ASTN2: variants seen among roughly 807,000 people sequenced by gnomAD.
The protein encoded by ASTN2 is astrotactin-2.
A neutral mutation model predicts 139.8 loss-of-function variants in ASTN2; 54 were observed. That is an observed-to-expected ratio of 0.39 (90% CI 0.31 to 0.48). ASTN2 has a LOEUF of 0.48. Among genes scored for constraint, ASTN2 ranks in the 20% least tolerant of loss-of-function variants. The pLI is 0.95. For synonymous variants in ASTN2, 756 were observed against 719.5 expected (o/e 1.05, Z -0.81); for missense variants, 1,565 against 1,725.1 (o/e 0.91, Z 1.64).
intron 4 of ASTN2, among the ~76,000 whole-genome samples, chr9:117,130,202 A>G (rs1324090690): frequency 6.6e-6 from 1 of 152,158 alleles, no homozygotes; most frequent in Non-Finnish European, 1.5e-5. Context: ...TTGACTACTC[A>G]GGAGGCTGCA....
At chr9:116,752,036 C>A (rs1035325691) in intron 13 of ASTN2, among the ~76,000 whole-genome samples, 1 of 152,014 alleles carries the variant, frequency 6.6e-6, no homozygotes, top group Non-Finnish European at 1.5e-5. Flanking sequence ...CCAGAATAGT[C>A]AAGACAATAT....
At chr9:117,345,316 A>G (rs1397154244) in intron 1 of ASTN2, among the ~76,000 whole-genome samples, 2 of 152,198 alleles carry the variant, frequency 1.3e-5, no homozygotes, top group African/African-American at 4.8e-5. Context: ...AAGAGTTAAA[A>G]ATCCCTGACC....
At chr9:116,916,199 T>C (rs1834442199) in intron 10 of ASTN2, among the ~76,000 whole-genome samples, 1 of 152,202 alleles carries the variant, frequency 6.6e-6, no homozygotes, top group Non-Finnish European at 1.5e-5. Context: ...CATGTTGTTG[T>C]CTGTCCCTGA....
In ASTN2 at chr9:116,699,569, T is replaced by C. The variant is rs1442201890; in HGVS notation, c.2806+26202A>G. 1.9e-6 allele frequency: 3 copies of C among 1,614,084 alleles called. No individual in the cohort carries two copies. Among genetic ancestry groups the C allele is most frequent in the Non-Finnish European group, 2.5e-6 (3 of 1,180,026 alleles). On this transcript the variant is annotated intron_variant, in intron 16 of 22. Transcript: ENST00000313400. This position sits in a 1 kb window ranked among gnomAD's most constrained non-coding sequence, Gnocchi z 4.2. ...ATTTTCCTAAGGGTGGGGGCTATAG[T>C]GTCCTTATTCGAGAGGGACTTACCT... is the stretch of plus-strand genomic sequence containing the variant.
chr9:117,363,439 G>C (rs940269904), intron 1 of ASTN2, among the ~76,000 whole-genome samples: 1 of 152,154 alleles, frequency 6.6e-6, no homozygotes, highest in African/African-American at 2.4e-5. Flanking sequence ...AATTGTTCAA[G>C]GTAACACAGC....
intron 19 of ASTN2, among the ~76,000 whole-genome samples, chr9:116,562,733 TAAAAAAAAAAAA>T (rs35878476): frequency 1.6e-5 from 1 of 64,466 alleles, no homozygotes; most frequent in Non-Finnish European, 2.8e-5. Context: ...ACTGCCTCAT[TAAAAAAAAAAAA>T]AAAAAAAAAA....
At chr9:117,311,956 A>G (rs1191552040) in intron 1 of ASTN2, among the ~76,000 whole-genome samples, 3 of 152,174 alleles carry the variant, frequency 2.0e-5, no homozygotes, top group Non-Finnish European at 4.4e-5. Flanking sequence ...TAGCATGGTT[A>G]GAGGAAGCTC....
chr9:117,280,230 G>A (rs535027696), intron 2 of ASTN2, among the ~76,000 whole-genome samples: 21 of 152,234 alleles, frequency 1.4e-4, no homozygotes, highest in African/African-American at 4.8e-4. Context: ...CCTTATCAGT[G>A]CATTACTTCA....
chr9:117,295,090 G>A (rs536297512), intron 1 of ASTN2, among the ~76,000 whole-genome samples: 2 of 152,260 alleles, frequency 1.3e-5, no homozygotes, highest in East Asian at 1.9e-4. Context: ...GAGAGGCCGA[G>A]GCAGGCGGAT....
chr9:116,708,590 G>T (rs1828057132), intron 16 of ASTN2, among the ~76,000 whole-genome samples: 1 of 152,140 alleles, frequency 6.6e-6, no homozygotes, highest in East Asian at 1.9e-4. Flanking sequence ...CACTCACTGA[G>T]GACACATATA....
At chr9:116,632,076 T>C in intron 17 of ASTN2, among the ~76,000 whole-genome samples, 1 of 145,920 alleles carries the variant, frequency 6.9e-6, no homozygotes, top group African/African-American at 2.5e-5. Flanking sequence ...ATTGTGCCAC[T>C]GCCCTCCACA....
At chr9:116,919,028 C>A (rs1186612561) in intron 10 of ASTN2, among the ~76,000 whole-genome samples, 1 of 151,406 alleles carries the variant, frequency 6.6e-6, no homozygotes, top group Non-Finnish European at 1.5e-5. Context: ...TTTTAAACTT[C>A]CCTGAGCCTC....
chr9:117,332,241 C>T (rs1828733331), intron 1 of ASTN2, among the ~76,000 whole-genome samples: 1 of 152,106 alleles, frequency 6.6e-6, no homozygotes, highest in East Asian at 1.9e-4. Context: ...TGTGTTGCCA[C>T]CCTTTATAGC....
At chr9:116,656,415 C>T (rs1858213256) in intron 16 of ASTN2, among the ~76,000 whole-genome samples, 1 of 152,160 alleles carries the variant, frequency 6.6e-6, no homozygotes, top group African/African-American at 2.4e-5. Flanking sequence ...TCTAGGTTTT[C>T]ATGTAGGCCC....
At chr9:117,016,656 A>ATATAGGTT (rs59564628) in intron 6 of ASTN2, among the ~76,000 whole-genome samples, 9 of 26,814 alleles carry the variant, frequency 3.4e-4, no homozygotes, top group Admixed American at 9.6e-4. Flanking sequence ...ATATATATAT[A>ATATAGGTT]ACCTATATAT....
intron 3 of ASTN2, among the ~76,000 whole-genome samples, chr9:117,173,954 T>TA (rs1830854703): frequency 7.0e-6 from 1 of 143,166 alleles, no homozygotes; most frequent in East Asian, 2.1e-4. Flanking sequence ...TTACTCTTAC[T>TA]AAAAAACAGA....
intron 10 of ASTN2, among the ~76,000 whole-genome samples, chr9:116,892,718 C>T (rs2132390672): frequency 6.6e-6 from 1 of 152,202 alleles, no homozygotes; most frequent in East Asian, 1.9e-4. Context: ...ATTTTGCTGT[C>T]TTTGATCCAA....
chr9:117,280,480 C>T (rs1834298870), intron 2 of ASTN2, among the ~76,000 whole-genome samples: 1 of 152,100 alleles, frequency 6.6e-6, no homozygotes, highest in African/African-American at 2.4e-5. Context: ...TGACAAGCAT[C>T]CTAATGAGAG....
At chr9:117,267,762 C>T (rs968765941) in intron 2 of ASTN2, among the ~76,000 whole-genome samples, 6 of 152,146 alleles carry the variant, frequency 3.9e-5, no homozygotes, top group Non-Finnish European at 7.3e-5. Context: ...CCTCTCAGGG[C>T]GCAGTTTCTC....
Sources: gnomAD v4.1 joint callset for allele counts (sites outside exome capture counted in the v4.1 genomes callset) on GRCh38, gnomAD v4.1.1 for gene constraint, Gnocchi (gnomAD v3.1) non-coding constraint, MANE v1.5 for transcripts, NCBI Gene and HGNC (gene_info 2026-07-23, HGNC 2026-07-21) for gene names.